The following PHAX variants were observed in gnomAD, a reference collection of about 807,000 sequenced individuals.
PHAX encodes the protein phosphorylated adapter RNA export protein.
Under a neutral mutation model 41.6 loss-of-function variants are expected in PHAX, and 31 were observed. The ratio of observed to expected loss-of-function variants is 0.75; its 90% CI spans 0.56 to 1.01. The LOEUF (loss-of-function observed/expected upper bound fraction) is 1.01, where lower values mean the gene tolerates loss of function less well. Ranked by LOEUF, PHAX falls within the 50% of genes least tolerant of loss-of-function variation. The pLI is 0.00. For synonymous variants in PHAX, 175 were observed against 164.9 expected (o/e 1.06, Z -0.47); for missense variants, 453 against 472.9 (o/e 0.96, Z 0.39).
At chr5:126,623,316 A>G (rs1007658909) in intron 4 of PHAX, among the ~76,000 whole-genome samples, 3 of 152,138 alleles carry the variant, frequency 2.0e-5, no homozygotes, top group African/African-American at 7.2e-5. Context: ...AGAATATTAG[A>G]GAAATCATAT....
Position 126,617,160 on chromosome 5 carries a change from C to G in PHAX, c.832-90C>G, listed in dbSNP as rs1017696353. The G allele has an allele frequency of 1.3e-5, 9 of 681,356 alleles. No homozygotes were observed. The East Asian group carries it at 2.5e-4, about 19-fold the overall frequency. The allele number at this position is 681,356 out of a possible 1,614,324, so 42.2% of individuals were successfully genotyped here. A position where few individuals can be genotyped will look rare whatever the true frequency, so the allele number is the denominator to read the frequency against. On this transcript the variant is annotated intron_variant, in intron 3 of 4. Transcript: ENST00000297540. ...CTGGACTTCAGATCTGGTATTTCTTCTATCCCCTTAATTGTGTCTCTGTTA... is the reference window on the plus strand; with the variant it reads ...CTGGACTTCAGATCTGGTATTTCTTGTATCCCCTTAATTGTGTCTCTGTTA...
chr5:126,611,081 G>A (rs1752088970), intron 3 of PHAX, among the ~76,000 whole-genome samples: 1 of 134,512 alleles, frequency 7.4e-6, no homozygotes, highest in Non-Finnish European at 1.5e-5. Flanking sequence ...TTGAGATGTA[G>A]TTTTGCTCTT....
At chr5:126,603,198 C>T (rs1039321093) in intron 1 of PHAX, among the ~76,000 whole-genome samples, 6 of 151,550 alleles carry the variant, frequency 4.0e-5, no homozygotes, top group African/African-American at 1.5e-4. Flanking sequence ...CCACTGCACT[C>T]CAGCCTCGGC....
intron 4 of PHAX, among the ~76,000 whole-genome samples, chr5:126,623,125 CA>C (rs935692748): frequency 6.5e-5 from 9 of 137,480 alleles, no homozygotes; most frequent in East Asian, 2.1e-4. Context: ...GACTCTGTCT[CA>C]AAAAAAAAAG....
intron 4 of PHAX, among the ~76,000 whole-genome samples, chr5:126,619,666 A>G (rs1407772787): frequency 2.0e-5 from 3 of 151,764 alleles, no homozygotes; most frequent in Non-Finnish European, 4.4e-5. Context: ...TGTGGCTTTC[A>G]TTCATTCTTC....
Position 126,601,072 on chromosome 5 carries a change from GA to G in PHAX, c.96+15del. 6.3e-7 allele frequency: 1 copy of G among 1,585,620 alleles called. No homozygotes were observed. The highest frequency in any genetic ancestry group is 8.6e-7 in the Non-Finnish European group (1 of 1,160,724). On this transcript the variant is annotated intron_variant, in intron 1 of 4. Coordinates refer to ENST00000297540, the MANE Select transcript of PHAX (RefSeq NM_032177.4). The stretch of plus-strand genomic sequence containing the variant: ...CTGCAATTGCCAGTGAGTGTGAAAG[GA>G]GGGTGGGTGATCGTGGCTGGGCGCG...
At chr5:126,624,239 C>T (rs933654162) in intron 4 of PHAX, among the ~76,000 whole-genome samples, 6 of 151,972 alleles carry the variant, frequency 3.9e-5, no homozygotes, top group African/African-American at 1.2e-4. Context: ...CAACTCCTGA[C>T]CTCAAGTGAA....
Position 126,603,726 on chromosome 5 carries a change from C to G in PHAX, c.253C>G (p.Gln85Glu), listed in dbSNP as rs1751942676. The change falls in exon 2 of 5, where the codon CAG (glutamine) becomes GAG (glutamate). Residue 85 changes from glutamine (Q) to glutamate (E), a missense_variant. By Grantham distance (29) the Gln-to-Glu change is conservative (BLOSUM62 2). Coordinates refer to ENST00000297540, the MANE Select transcript of PHAX (RefSeq NM_032177.4). ...TAGCTGTCTTTGGAAACGCAAACGA[C>G]AGAAATGTTTTAACCCTCCTCCCAA... ...DDSCLWKRKR[Q>E]KCFNPPPKPE... 1 of 1,614,092 alleles carries G rather than the reference C, an allele frequency of 6.2e-7. No individual in the cohort carries two copies. Among genetic ancestry groups the G allele is most frequent in the Non-Finnish European group, 8.5e-7 (1 of 1,180,024 alleles).
At chr5:126,622,812 T>C (rs1473172863) in intron 4 of PHAX, among the ~76,000 whole-genome samples, 1 of 152,080 alleles carries the variant, frequency 6.6e-6, no homozygotes, top group East Asian at 1.9e-4. Context: ...CACACTTTTG[T>C]GAAGGCAGTA....
At chr5:126,612,255 G>A (rs190945872) in intron 3 of PHAX, among the ~76,000 whole-genome samples, 14 of 152,316 alleles carry the variant, frequency 9.2e-5, no homozygotes, top group Admixed American at 8.5e-4. Context: ...AGGGGCCAAT[G>A]TGGCAGGAGC....
chr5:126,626,090 A>T lies in PHAX; in HGVS notation c.*1246A>T, dbSNP rs1056373116. ...TGTGGATTACCACATGCATTAAAAA[A>T]TTTTTCAAGCTGGGCCTAGTGGCGC... On this transcript the variant is annotated 3_prime_UTR_variant, in exon 5 of 5. Transcript: ENST00000297540. The T allele has an allele frequency of 6.6e-6, 1 of 152,036 alleles. No homozygotes were observed. Among genetic ancestry groups the T allele is most frequent in the Non-Finnish European group, 1.5e-5 (1 of 68,030 alleles). The allele number at this position is 152,036 out of a possible 1,614,324, so 9.4% of individuals were successfully genotyped here.
chr5:126,604,287 T>TTC (rs1751956189), intron 2 of PHAX, 104 bp downstream of exon 2: 1 of 1,220,600 alleles, frequency 8.2e-7, no homozygotes, highest in Admixed American at 2.6e-5. Context: ...TTTTTTTTTT[T>TTC]TTTTTTGGAG....
At chr5:126,615,508 CTT>C (rs35158448) in intron 3 of PHAX, among the ~76,000 whole-genome samples, 2,987 of 111,452 alleles carry the variant, frequency 0.027, 31 homozygotes, top group Middle Eastern at 0.049. Flanking sequence ...ACATTCTGTG[CTT>C]TTTTTTTTTT....
rs921274687 is a variant in PHAX, at chr5:126,627,042, A to T, written c.*2198A>T. On this transcript the variant is annotated 3_prime_UTR_variant, in exon 5 of 5. Transcript: ENST00000297540. ...TTACAAAAATATATTAAGCAAAAAT[A>T]TGCTTGATATATTAAGCAGAAATGT... The T allele has an allele frequency of 1.3e-5, 2 of 152,202 alleles. No homozygotes were observed. Among genetic ancestry groups the T allele is most frequent in the African/African-American group, 4.8e-5 (2 of 41,442 alleles). The allele number at this position is 152,202 out of a possible 1,614,324, so 9.4% of individuals were successfully genotyped here.
intron 4 of PHAX, among the ~76,000 whole-genome samples, chr5:126,618,366 G>C (rs1406757258): frequency 6.6e-6 from 1 of 151,584 alleles, no homozygotes. Flanking sequence ...ACTTCAGCTT[G>C]GTGCCATCCC....
chr5:126,611,003 A>G (rs1020508097), intron 3 of PHAX, among the ~76,000 whole-genome samples: 1 of 149,968 alleles, frequency 6.7e-6, no homozygotes, highest in African/African-American at 2.5e-5. Context: ...CACTATGTCC[A>G]GCCCCCAAAT....
At chr5:126,623,595 A>G (rs1554103442) in intron 4 of PHAX, among the ~76,000 whole-genome samples, 1 of 152,040 alleles carries the variant, frequency 6.6e-6, no homozygotes, top group Non-Finnish European at 1.5e-5. Context: ...CTCTTTAGCA[A>G]ATACTTTTCT....
rs1323445775 is a variant in PHAX at position 126,603,621 on chromosome 5, G to C, written c.148G>C (p.Ala50Pro). The stretch of plus-strand genomic sequence containing the variant: ...GAGGGCCTTCCAGAACACGGCAACT[G>C]CATGTGCACCAGTATCACATTATCG... ...AMRAFQNTATACAPVSHYRAV... is the reference protein window; with the variant it reads ...AMRAFQNTATPCAPVSHYRAV... Residue 50 changes from alanine (A) to proline (P), a missense_variant, in exon 2 of 5, where the codon GCA becomes CCA. Ala to Pro is a conservative substitution (Grantham distance 27). Coordinates refer to ENST00000297540, the MANE Select transcript of PHAX (RefSeq NM_032177.4). 2 of 1,613,880 alleles carry C rather than the reference G, an allele frequency of 1.2e-6. No homozygotes were observed. The highest frequency in any genetic ancestry group is 2.2e-5 in the East Asian group (1 of 44,892).
chr5:126,617,589 G>T (rs539085313), intron 4 of PHAX, among the ~76,000 whole-genome samples: 7 of 151,814 alleles, frequency 4.6e-5, no homozygotes, highest in Non-Finnish European at 1.0e-4. Context: ...AGTGATTCTC[G>T]TGCCTCAGCC....
Sources: gnomAD v4.1 joint callset for allele counts (sites outside exome capture counted in the v4.1 genomes callset) on GRCh38, gnomAD v4.1.1 for gene constraint, MANE v1.5 for transcripts, NCBI Gene and HGNC (gene_info 2026-07-23, HGNC 2026-07-21) for gene names.